Variants in NTAQ1 observed in about 807,000 individuals in gnomAD.
NTAQ1 encodes the protein N-terminal glutamine amidase 1.
NTAQ1 carries 21 observed loss-of-function variants against 28.2 expected under a neutral mutation model. The ratio of observed to expected loss-of-function variants is 0.74; its 90% CI spans 0.53 to 1.07. The LOEUF (loss-of-function observed/expected upper bound fraction) is 1.07, where lower values mean the gene tolerates loss of function less well. Ranked by LOEUF, NTAQ1 falls within the 50% of genes least tolerant of loss-of-function variation. The pLI, the probability that NTAQ1 is intolerant of heterozygous loss-of-function variation, is 0.00. For synonymous variants in NTAQ1, 105 were observed against 90.0 expected (o/e 1.17, Z -0.94); for missense variants, 264 against 256.6 (o/e 1.03, Z -0.20).
chr8:123,471,961 T>C (rs138919201), downstream of NTAQ1, among the ~76,000 whole-genome samples: 29 of 152,330 alleles, frequency 1.9e-4, no homozygotes, highest in East Asian at 5.4e-3. Flanking sequence ...ATTCAACCCA[T>C]AAAAGTAATA....
intron 6 of NTAQ1, among the ~76,000 whole-genome samples, chr8:123,456,689 A>C (rs1222199163): frequency 6.6e-6 from 1 of 152,210 alleles, no homozygotes; most frequent in East Asian, 1.9e-4. Context: ...CACTTAAATG[A>C]GATCCTTTTG....
intron 1 of NTAQ1, among the ~76,000 whole-genome samples, chr8:123,418,220 G>A (rs1256909790): frequency 6.6e-6 from 1 of 152,150 alleles, no homozygotes; most frequent in African/African-American, 2.4e-5. Context: ...GGAGGCCGAG[G>A]TGGGCGGATC....
chr8:123,466,769 G>A (rs1237976350), intron 6 of NTAQ1, among the ~76,000 whole-genome samples: 3 of 152,116 alleles, frequency 2.0e-5, no homozygotes, highest in South Asian at 2.1e-4. Flanking sequence ...ATAATTGCTG[G>A]TAATTCTAGT....
intron 6 of NTAQ1, among the ~76,000 whole-genome samples, chr8:123,456,349 G>T (rs531030839): frequency 2.6e-5 from 4 of 152,266 alleles, no homozygotes; most frequent in African/African-American, 9.6e-5. Flanking sequence ...GCACGATCTT[G>T]GCTCACTGCA....
intron 2 of NTAQ1, 89 bp from the exon 3 acceptor site, chr8:123,429,894 A>G (rs867180284): frequency 1.6e-6 from 1 of 641,148 alleles, no homozygotes; most frequent in Non-Finnish European, 2.3e-6. Flanking sequence ...AAAAAAAAAA[A>G]AAATCCCGTC....
At chr8:123,471,809 A>G (rs117180883), downstream of NTAQ1, among the ~76,000 whole-genome samples, 10 of 152,336 alleles carry the variant, frequency 6.6e-5, no homozygotes, top group East Asian at 1.5e-3. Flanking sequence ...GTCTACCAAT[A>G]TAAGTGTTAC....
intron 1 of NTAQ1, among the ~76,000 whole-genome samples, chr8:123,420,589 C>T (rs1315499235): frequency 2.8e-5 from 2 of 72,078 alleles, no homozygotes; most frequent in Non-Finnish European, 2.7e-5. Flanking sequence ...TTATTTTTTG[C>T]CTTTTTTTTT....
chr8:123,449,102 A>G (rs964110010), downstream of NTAQ1, among the ~76,000 whole-genome samples: 2 of 152,166 alleles, frequency 1.3e-5, no homozygotes, highest in Non-Finnish European at 2.9e-5. Context: ...TGGGGGCCCC[A>G]TGTGGCTCTG....
upstream of NTAQ1, chr8:123,416,757 G>A: frequency 2.5e-6 from 3 of 1,189,492 alleles, no homozygotes; most frequent in East Asian, 3.8e-5. Flanking sequence ...ACCCCACGCC[G>A]GGAACCCACG....
intron 1 of NTAQ1, among the ~76,000 whole-genome samples, chr8:123,422,396 C>T (rs1490433916): frequency 6.6e-6 from 1 of 151,782 alleles, no homozygotes; most frequent in Non-Finnish European, 1.5e-5. Flanking sequence ...TCACGTCAGC[C>T]TCCCAAGCAA....
intron 6 of NTAQ1, among the ~76,000 whole-genome samples, chr8:123,447,367 T>C (rs1210136589): frequency 1.1e-4 from 17 of 152,162 alleles, no homozygotes; most frequent in Admixed American, 1.1e-3. Context: ...ATACACAATG[T>C]GATGGATAAA....
chr8:123,446,383 G>A (rs1422939444), downstream of NTAQ1, among the ~76,000 whole-genome samples: 1 of 152,196 alleles, frequency 6.6e-6, no homozygotes, highest in Non-Finnish European at 1.5e-5. Flanking sequence ...AGACTTTGCA[G>A]GCCATAAGGC....
Position 123,437,248 on chromosome 8 carries a change from A to G in NTAQ1, c.422A>G (p.Asn141Ser), listed in dbSNP as rs371519956. The G allele has an allele frequency of 1.4e-5, 23 of 1,614,016 alleles. No homozygotes were observed. The highest frequency in any genetic ancestry group is 1.9e-5 in the Non-Finnish European group (22 of 1,180,014). Reference protein sequence around the residue: ...RVIRADSYLKNFASDRSHMKD... With the variant: ...RVIRADSYLKSFASDRSHMKD... ...ATCCGTGCAGATTCATATTTGAAGA[A>G]CTTTGCTTCTGACCGATCTCACATG... Residue 141 changes from asparagine to serine, a missense_variant, in exon 5 of 6, where the codon AAC (asparagine) becomes AGC (serine). Transcript: ENST00000287387.
At chr8:123,452,667 C>G (rs1215745254), downstream of NTAQ1, among the ~76,000 whole-genome samples, 2 of 151,822 alleles carry the variant, frequency 1.3e-5, no homozygotes, top group South Asian at 4.2e-4. Context: ...TTTGGGAGGC[C>G]TAGGCGGGCG....
chr8:123,436,289 T>G (rs1814706158), intron 3 of NTAQ1, among the ~76,000 whole-genome samples, 164 bp from the exon 4 acceptor site: 1 of 152,118 alleles, frequency 6.6e-6, no homozygotes, highest in African/African-American at 2.4e-5. Context: ...ACATTTAGTC[T>G]GTTTTCATGT....
At chr8:123,417,404 A>G (rs187489313) in intron 1 of NTAQ1, among the ~76,000 whole-genome samples, 1 of 152,180 alleles carries the variant, frequency 6.6e-6, no homozygotes, top group Non-Finnish European at 1.5e-5. Context: ...ACTGAGCATC[A>G]CAATAACCGT....
At chr8:123,457,821 G>T (rs1180778880) in intron 6 of NTAQ1, among the ~76,000 whole-genome samples, 5 of 151,582 alleles carry the variant, frequency 3.3e-5, no homozygotes, top group Non-Finnish European at 7.4e-5. Flanking sequence ...ATCACCTGAG[G>T]TCAGGAGTTC....
At chr8:123,421,880 G>T (rs71516707) in intron 1 of NTAQ1, among the ~76,000 whole-genome samples, 1 of 151,698 alleles carries the variant, frequency 6.6e-6, no homozygotes, top group African/African-American at 2.4e-5. Context: ...TTTTAGTAGA[G>T]ACAGGGTTTC....
At chr8:123,416,999 C>A in intron 1 of NTAQ1, 67 bp downstream of exon 1, 1 of 1,362,844 alleles carries the variant, frequency 7.3e-7, no homozygotes. Flanking sequence ...AACCGGGCCC[C>A]GCCTCTTCCC....
Sources: allele counts gnomAD v4.1 joint callset (sites outside exome capture counted in the v4.1 genomes callset), GRCh38; gene constraint gnomAD v4.1.1; transcripts MANE v1.5; gene names NCBI Gene and HGNC (gene_info 2026-07-23, HGNC 2026-07-21).